Variants in CLEC2B observed in about 807,000 individuals in gnomAD.
CLEC2B encodes the protein C-type (calcium dependent, carbohydrate-recognition domain) lectin, superfamily member 2 (activation-induced).
CLEC2B carries 14 observed loss-of-function variants against 16.2 expected under a neutral mutation model. The observed-to-expected ratio is 0.86, with a 90% CI of 0.57 to 1.35. The LOEUF (loss-of-function observed/expected upper bound fraction) is 1.35, where lower values mean the gene tolerates loss of function less well. Among genes scored for constraint, CLEC2B ranks in the 40% most tolerant of loss-of-function variants. The pLI is 0.00. For missense variants in CLEC2B, 166 were observed against 182.3 expected, an observed-to-expected ratio of 0.91 and a Z score of 0.52; for synonymous variants, 42 against 55.8, an observed-to-expected ratio of 0.75 and a Z score of 1.10.
intron 1 of CLEC2B, among the ~76,000 whole-genome samples, chr12:9,863,490 G>C (rs993603452): frequency 2.0e-5 from 3 of 152,164 alleles, no homozygotes; most frequent in African/African-American, 7.2e-5. Flanking sequence ...ATGGCAATAT[G>C]TGAGCACTTG....
Position 9,867,571 on chromosome 12 carries a change from T to C in CLEC2B, c.-3+1634A>G, listed in dbSNP as rs142963039. ...TGAGTTATCAGAAAAATTAGTGGCA[T>C]TGGTAGAATGTGGTTAGCATAGCTG... On this transcript the variant is annotated intron_variant, in intron 1 of 4. Transcript: ENST00000228438. 4.6e-5 allele frequency among the ~76,000 whole-genome samples: 7 copies of C among 152,268 alleles called. No individual in the cohort carries two copies. The East Asian group carries it at 1.3e-3, about 29-fold the overall frequency.
rs1229892834 is a variant in CLEC2B, at chr12:9,853,057, A to AAAAGAAAGAAAGAAAGAAAG, written c.*223_*242dup. The AAAAGAAAGAAAGAAAGAAAG allele has an allele frequency of 7.7e-4, 76 of 98,848 alleles. 1 individual carries two copies. The highest frequency in any genetic ancestry group is 5.3e-3 in the African/African-American group (41 of 7,746). 6.1% of individuals were successfully genotyped at this position (98,848 alleles called of 1,614,324 possible). A position where few individuals can be genotyped will look rare whatever the true frequency, so the allele number is the denominator to read the frequency against. On this transcript the variant is annotated 3_prime_UTR_variant, in exon 5 of 5. Transcript: ENST00000228438. ...AATTGTTTTCTGGTTTACAGTTAAA[A>AAAAGAAAGAAAGAAAGAAAG]AAAGAAAGAAAGAAAGAAAGAAAGA...
At chr12:9,859,477 A>T (rs1391546112) in intron 2 of CLEC2B, among the ~76,000 whole-genome samples, 1 of 151,868 alleles carries the variant, frequency 6.6e-6, no homozygotes, top group African/African-American at 2.4e-5. Context: ...TTCTAGAAGA[A>T]CACAATTTAA....
chr12:9,862,330 G>A (rs926907641), intron 2 of CLEC2B, among the ~76,000 whole-genome samples, 169 bp downstream of exon 2: 5 of 151,982 alleles, frequency 3.3e-5, no homozygotes, highest in African/African-American at 1.2e-4. Context: ...TATCTCTGAT[G>A]CCTTACATAG....
Position 9,852,641 on chromosome 12 carries a change from C to T in CLEC2B, c.*659G>A, listed in dbSNP as rs1362273901. Among the ~76,000 whole-genome samples the T allele has an allele frequency of 6.6e-6, 1 of 152,136 alleles. No homozygotes were observed. The highest frequency in any genetic ancestry group is 2.4e-5 in the African/African-American group (1 of 41,418). ...TAGTTGCATATGACAAGAATGACCC[C>T]ATTTGTTTGATCAACTTGTACAGAT... On this transcript the variant is annotated 3_prime_UTR_variant, in exon 5 of 5. Transcript: ENST00000228438.
Position 9,853,083 on chromosome 12 carries a change from A to AAAGAAAGAGAAAGAAAGAG in CLEC2B, c.*216_*217insCTCTTTCTTTCTCTTTCTT, listed in dbSNP as rs1867860198. ...AAAGAAAGAAAGAAAGAAAGAAAGA[A>AAAGAAAGAGAAAGAAAGAG]AGAGAGAGAGAGAAAGAAAGAAAGA... On this transcript the variant is annotated 3_prime_UTR_variant, in exon 5 of 5. Coordinates refer to ENST00000228438, the MANE Select transcript of CLEC2B (RefSeq NM_005127.3). 9.1e-6 allele frequency: 3 copies of AAAGAAAGAGAAAGAAAGAG among 329,812 alleles called. No individual in the cohort carries two copies. Among genetic ancestry groups the AAAGAAAGAGAAAGAAAGAG allele is most frequent in the Non-Finnish European group, 1.6e-5 (3 of 184,444 alleles). The allele number at this position is 329,812 out of a possible 1,614,324, so 20.4% of individuals were successfully genotyped here.
intron 2 of CLEC2B, among the ~76,000 whole-genome samples, chr12:9,858,968 C>A (rs916432595): frequency 6.6e-6 from 1 of 151,958 alleles, no homozygotes; most frequent in Non-Finnish European, 1.5e-5. Flanking sequence ...GTCATCTGAC[C>A]TAACATGACA....
At chr12:9,864,867 A>C (rs1867959193) in intron 1 of CLEC2B, among the ~76,000 whole-genome samples, 1 of 152,158 alleles carries the variant, frequency 6.6e-6, no homozygotes, top group Non-Finnish European at 1.5e-5. Flanking sequence ...AATTTAAATG[A>C]ACTCAACTCT....
At chr12:9,857,741 C>CAGCAAAA in intron 2 of CLEC2B, 104 bp from the exon 3 acceptor site, 4 of 898,070 alleles carry the variant, frequency 4.5e-6, no homozygotes, top group Non-Finnish European at 6.8e-6. Context: ...ATTATGGTCA[C>CAGCAAAA]TATGAAAGTT....
intron 2 of CLEC2B, among the ~76,000 whole-genome samples, chr12:9,860,598 A>G (rs1283404994): frequency 6.6e-6 from 1 of 151,862 alleles, no homozygotes; most frequent in Non-Finnish European, 1.5e-5. Flanking sequence ...TGCAATCTCA[A>G]TCAAAATTAC....
chr12:9,859,298 A>G (rs114080819), intron 2 of CLEC2B, among the ~76,000 whole-genome samples: 4,030 of 152,118 alleles, frequency 0.026, 68 homozygotes, highest in Middle Eastern at 0.048. Context: ...ACAGAAATCA[A>G]TTGAATAAAA....
intron 4 of CLEC2B, 80 bp downstream of exon 4, chr12:9,854,301 G>A: frequency 1.1e-6 from 1 of 875,330 alleles, no homozygotes; most frequent in Non-Finnish European, 1.8e-6. Context: ...TTGGGCTCTA[G>A]AGAAATTTAG....
At chr12:9,867,287 A>G (rs917977758) in intron 1 of CLEC2B, 7 of 152,174 alleles carry the variant, frequency 4.6e-5, no homozygotes, top group Admixed American at 3.3e-4. Flanking sequence ...TGTCCTGTCC[A>G]TTCAGTGGGA....
At chr12:9,862,605 C>T (rs762162184) in intron 1 of CLEC2B, 32 bp from the exon 2 acceptor site, 4 of 1,384,520 alleles carry the variant, frequency 2.9e-6, no homozygotes, top group Admixed American at 3.2e-5. Context: ...ATTTAGGAGA[C>T]TTCTGGCTCC....
At chr12:9,853,652 C>G (rs1426152614) in intron 4 of CLEC2B, among the ~76,000 whole-genome samples, 1 of 152,108 alleles carries the variant, frequency 6.6e-6, no homozygotes, top group Non-Finnish European at 1.5e-5. Context: ...TTCGTATAAA[C>G]CAATGGTTTT....
In CLEC2B at chr12:9,869,264, G is replaced by A. The variant is rs1489964525; in HGVS notation, c.-62C>T. On this transcript the variant is annotated 5_prime_UTR_variant, in exon 1 of 5. Transcript: ENST00000228438. ...TAGCAGCTTTGTGTCATGTCTTGCA[G>A]AAACTCTCTTCAAAGTTGTAACTTT... 1 of 152,110 alleles carries A rather than the reference G, an allele frequency of 6.6e-6. No homozygotes were observed. The highest frequency in any genetic ancestry group is 1.5e-5 in the Non-Finnish European group (1 of 67,976). 9.4% of individuals were successfully genotyped at this position (152,110 alleles called of 1,614,324 possible).
At chr12:9,861,770 A>G (rs934504182) in intron 2 of CLEC2B, among the ~76,000 whole-genome samples, 1 of 152,144 alleles carries the variant, frequency 6.6e-6, no homozygotes, top group South Asian at 2.1e-4. Context: ...TAATTTTTAC[A>G]TTTTAAAAAG....
At chr12:9,863,070 A>T (rs972362582) in intron 1 of CLEC2B, among the ~76,000 whole-genome samples, 4 of 152,198 alleles carry the variant, frequency 2.6e-5, no homozygotes, top group African/African-American at 7.2e-5. Context: ...ATGTCAACTT[A>T]GAGTGGCTGT....
intron 3 of CLEC2B, among the ~76,000 whole-genome samples, chr12:9,855,925 C>T (rs1304060859): frequency 6.6e-6 from 1 of 152,046 alleles, no homozygotes; most frequent in Non-Finnish European, 1.5e-5. Context: ...CTTCTCCACT[C>T]CACAGACAGC....
Sources: allele counts gnomAD v4.1 joint callset (sites outside exome capture counted in the v4.1 genomes callset), GRCh38; gene constraint gnomAD v4.1.1; transcripts MANE v1.5; gene names NCBI Gene and HGNC (gene_info 2026-07-23, HGNC 2026-07-21).